EFTUD2: variants seen among roughly 807,000 people sequenced by gnomAD.
EFTUD2 encodes the protein elongation factor Tu GTP binding domain containing 2.
In EFTUD2, 9 loss-of-function variants were observed where a neutral mutation model predicts 114.3. The observed-to-expected ratio is 0.08, with a 90% confidence interval of 0.05 to 0.14. The LOEUF is 0.14. Ranked by LOEUF, EFTUD2 falls within the 10% of genes least tolerant of loss-of-function variation. The probability of loss-of-function intolerance (pLI) is 1.00; values close to 1 mark genes in which losing one functional copy is unlikely to be tolerated. For missense variants in EFTUD2, 765 were observed against 1,241.2 expected (o/e 0.62, Z 5.76); for synonymous variants, 449 against 462.3 (o/e 0.97, Z 0.37).
At chr17:44,899,058 T>C (rs1269821192) in intron 1 of EFTUD2, 1 of 152,180 alleles carries the variant, frequency 6.6e-6, no homozygotes, top group African/African-American at 2.4e-5. Flanking sequence ...GCGGCACGGA[T>C]AGAAGAGGAA....
intron 25 of EFTUD2, 152 bp from the exon 26 acceptor site, chr17:44,852,714 G>T (rs1285502887): frequency 3.0e-6 from 3 of 1,010,738 alleles, no homozygotes; most frequent in Non-Finnish European, 4.3e-6. Context: ...AGCAGAAAAG[G>T]CTCAGGGCTC....
chr17:44,881,188 A>ATTAG (rs2051066481), intron 7 of EFTUD2, among the ~76,000 whole-genome samples: 2 of 152,230 alleles, frequency 1.3e-5, no homozygotes, highest in African/African-American at 4.8e-5. Flanking sequence ...AAAAAGAGAC[A>ATTAG]GAAATAAGAG....
Position 44,872,332 on chromosome 17 carries a change from T to TA in EFTUD2, c.994+113dup, listed in dbSNP as rs2050870047. 2.8e-6 allele frequency: 4 copies of TA among 1,405,290 alleles called. No individual in the cohort carries two copies. In the Admixed American group the frequency reaches 7.2e-5, roughly 25 times the overall value. The allele number at this position is 1,405,290 out of a possible 1,614,324, so 87.1% of individuals were successfully genotyped here. On this transcript the variant is annotated intron_variant, in intron 11 of 27. Transcript: ENST00000426333. ...CCCCAAATGTGATAATAACAGGTGATAAAATGTTCCCCCAGCAGGGTGCTG... is the reference window on the plus strand; with the variant it reads ...CCCCAAATGTGATAATAACAGGTGATAAAAATGTTCCCCCAGCAGGGTGCTG...
intron 7 of EFTUD2, 143 bp downstream of exon 7, chr17:44,881,544 A>G (rs968222463): frequency 2.3e-6 from 2 of 872,276 alleles, no homozygotes; most frequent in South Asian, 1.6e-5. Context: ...CTGGGGGAAG[A>G]AGGAGATGGG....
chr17:44,883,892 T>C, intron 4 of EFTUD2, 168 bp from the exon 5 acceptor site: 2 of 627,328 alleles, frequency 3.2e-6, no homozygotes, highest in East Asian at 2.7e-5. Flanking sequence ...GCTTTGGGAA[T>C]GCAAGAAACT....
chr17:44,881,898 C>T, intron 6 of EFTUD2, 176 bp from the exon 7 acceptor site: 1 of 604,510 alleles, frequency 1.7e-6, no homozygotes. Context: ...GCCCTCCCAG[C>T]TGGAAATGCT....
At chr17:44,885,566 G>C (rs2051154822) in intron 3 of EFTUD2, among the ~76,000 whole-genome samples, 1 of 152,146 alleles carries the variant, frequency 6.6e-6, no homozygotes, top group Non-Finnish European at 1.5e-5. Flanking sequence ...AGGGACAGTG[G>C]GAGGGAGGGA....
intron 4 of EFTUD2, 99 bp from the exon 5 acceptor site, chr17:44,883,823 T>C: frequency 9.3e-7 from 1 of 1,077,084 alleles, no homozygotes; most frequent in South Asian, 1.3e-5. Flanking sequence ...CAGGAACAAC[T>C]TTCAGACCAA....
chr17:44,863,535 CT>C, intron 15 of EFTUD2, 119 bp downstream of exon 15: 1 of 1,419,440 alleles, frequency 7.0e-7, no homozygotes, highest in Non-Finnish European at 9.6e-7. Context: ...CCTGACTGTG[CT>C]CATGGGGATG....
intron 1 of EFTUD2, 111 bp from the exon 2 acceptor site, chr17:44,894,636 G>T: frequency 1.3e-6 from 1 of 756,022 alleles, no homozygotes; most frequent in Non-Finnish European, 2.3e-6. Flanking sequence ...CCTTTCACAT[G>T]CCTCCTCTCC....
intron 15 of EFTUD2, 104 bp from the exon 16 acceptor site, chr17:44,863,010 C>T (rs1227906266): frequency 2.1e-6 from 2 of 964,114 alleles, no homozygotes; most frequent in African/African-American, 3.3e-5. Context: ...CTATGAGGAG[C>T]TAGAGAAAGA....
At chr17:44,860,359 C>A in intron 17 of EFTUD2, 73 bp downstream of exon 17, 1 of 1,052,344 alleles carries the variant, frequency 9.5e-7, no homozygotes, top group Non-Finnish European at 1.5e-6. Flanking sequence ...TGGATTAGTC[C>A]CGTTTGTGCT....
intron 1 of EFTUD2, among the ~76,000 whole-genome samples, chr17:44,894,964 A>T (rs2145583073): frequency 6.6e-6 from 1 of 152,378 alleles, no homozygotes; most frequent in Non-Finnish European, 1.5e-5. Context: ...TTTTTCCTAA[A>T]TTATTTGAAA....
intron 16 of EFTUD2, among the ~76,000 whole-genome samples, chr17:44,861,784 C>A (rs558654611): frequency 6.6e-6 from 1 of 152,150 alleles, no homozygotes; most frequent in South Asian, 2.1e-4. Context: ...CTTCAATATT[C>A]CACCTTTTGG....
intron 10 of EFTUD2, among the ~76,000 whole-genome samples, chr17:44,874,378 T>C (rs1048748885): frequency 6.6e-6 from 1 of 152,154 alleles, no homozygotes; most frequent in Admixed American, 6.5e-5. Flanking sequence ...TTTCATCCTT[T>C]GGACTCATGA....
In EFTUD2 at chr17:44,879,617, T is replaced by G; in HGVS notation, c.641A>C (p.Glu214Ala). The G allele has an allele frequency of 6.2e-7, 1 of 1,613,938 alleles. No homozygotes were observed. ...DTPGHVNFSD[E>A]VTAGLRISDG... ...TGAGATGCGCAAGCCAGCTGTGACC[T>G]CATCAGAGAAATTCACATGTCCTGA... Residue 214 changes from glutamate (E) to alanine (A), a missense_variant, in exon 9 of 28, where the codon GAG becomes GCG. Transcript: ENST00000426333.
chr17:44,857,086 C>T lies in EFTUD2; in HGVS notation c.2034G>A (p.Thr678=), dbSNP rs141842808. The change falls in exon 20 of 28, where the codon ACG becomes ACA. Residue 678 remains threonine (T), a synonymous_variant. Transcript: ENST00000426333. ...ETSSLKCFAE[T]PNKKNKITMI... Reference sequence around the variant, plus strand: ...TGCTCCCAGCTTACTTCTTATTAGGCGTTTCAGCAAAGCACTTGAGGGAGG... The same window carrying T: ...TGCTCCCAGCTTACTTCTTATTAGGTGTTTCAGCAAAGCACTTGAGGGAGG... The T allele has an allele frequency of 3.2e-5, 52 of 1,613,660 alleles. No homozygotes were observed. Among genetic ancestry groups the T allele is most frequent in the African/African-American group, 1.7e-4 (13 of 74,906 alleles).
intron 10 of EFTUD2, among the ~76,000 whole-genome samples, chr17:44,874,756 G>A (rs2050916169): frequency 6.6e-6 from 1 of 152,190 alleles, no homozygotes; most frequent in Non-Finnish European, 1.5e-5. Flanking sequence ...ATCTTGTTGA[G>A]AAGCAGGTAT....
At chr17:44,889,358 T>C (rs1016217462) in intron 2 of EFTUD2, among the ~76,000 whole-genome samples, 10 of 152,082 alleles carry the variant, frequency 6.6e-5, no homozygotes, top group African/African-American at 2.2e-4. Context: ...ATGTGCTGCA[T>C]TGGAAAGCAG....
Sources: allele counts gnomAD v4.1 joint callset (sites outside exome capture counted in the v4.1 genomes callset), GRCh38; gene constraint gnomAD v4.1.1; transcripts MANE v1.5; gene names NCBI Gene and HGNC (gene_info 2026-07-23, HGNC 2026-07-21).